The following SLC9A9 variants were observed in gnomAD, a reference collection of about 807,000 sequenced individuals.
SLC9A9 encodes the protein solute carrier family 9 member A9, also known as sodium/hydrogen exchanger 9.
A neutral mutation model predicts 77.8 loss-of-function variants in SLC9A9; 62 were observed. The ratio of observed to expected loss-of-function variants is 0.80; its 90% CI spans 0.65 to 0.98. The LOEUF (loss-of-function observed/expected upper bound fraction) is 0.98, where lower values mean the gene tolerates loss of function less well. SLC9A9 is among the 50% of genes least tolerant of loss of function. SLC9A9 has a pLI of 0.00. For synonymous variants in SLC9A9, 320 were observed against 283.5 expected, an observed-to-expected ratio of 1.13 and a Z score of -1.29; for missense variants, 775 against 774.9, an observed-to-expected ratio of 1.00 and a Z score of 0.00.
intron 6 of SLC9A9, among the ~76,000 whole-genome samples, chr3:143,585,077 C>G (rs2037519269): frequency 6.6e-6 from 1 of 152,094 alleles, no homozygotes; most frequent in African/African-American, 2.4e-5. Context: ...TCTTAGAGAC[C>G]TCTGTTGGCA....
At chr3:143,806,966 T>A (rs1262730997) in intron 2 of SLC9A9, among the ~76,000 whole-genome samples, 3 of 152,258 alleles carry the variant, frequency 2.0e-5, no homozygotes, top group Non-Finnish European at 4.4e-5. Context: ...CTTGGCTTCA[T>A]GTTTTACTCT....
chr3:143,299,300 C>A (rs1364248186), intron 14 of SLC9A9, among the ~76,000 whole-genome samples: 9 of 152,104 alleles, frequency 5.9e-5, no homozygotes, highest in Admixed American at 5.9e-4. Context: ...CTTAAGAAAC[C>A]TTTATTTGCA....
At chr3:143,726,736 G>GAA (rs5853126) in intron 4 of SLC9A9, among the ~76,000 whole-genome samples, 19 of 150,418 alleles carry the variant, frequency 1.3e-4, no homozygotes, top group South Asian at 4.2e-4. Context: ...TTCATTGCCT[G>GAA]AAAAAAAAAA....
intron 1 of SLC9A9, 133 bp downstream of exon 1, chr3:143,848,015 G>A: frequency 3.2e-6 from 3 of 947,862 alleles, no homozygotes; most frequent in Non-Finnish European, 3.3e-6. Flanking sequence ...TTACGCTGCA[G>A]CACCTTTCAT....
intron 14 of SLC9A9, among the ~76,000 whole-genome samples, chr3:143,294,489 A>G (rs2030161974): frequency 6.6e-6 from 1 of 152,228 alleles, no homozygotes; most frequent in African/African-American, 2.4e-5. Context: ...TTCAGACAAA[A>G]TGAGAAGTTC....
chr3:143,329,369 G>GA (rs1457893470), intron 14 of SLC9A9, among the ~76,000 whole-genome samples: 1 of 152,088 alleles, frequency 6.6e-6, no homozygotes, highest in Non-Finnish European at 1.5e-5. Flanking sequence ...TGGCCAAAAT[G>GA]AAAAAATAAA....
intron 4 of SLC9A9, among the ~76,000 whole-genome samples, chr3:143,777,620 G>A (rs1576719225): frequency 6.6e-6 from 1 of 151,534 alleles, no homozygotes; most frequent in Admixed American, 6.6e-5. Flanking sequence ...CTTTGAATTG[G>A]CCTCCCTCAG....
At chr3:143,324,313 G>A (rs534392714) in intron 14 of SLC9A9, among the ~76,000 whole-genome samples, 5 of 152,236 alleles carry the variant, frequency 3.3e-5, no homozygotes, top group Non-Finnish European at 7.4e-5. Context: ...GCACATCCTG[G>A]ATCCTGAAGC....
At chr3:143,828,467 A>G (rs970371371) in intron 2 of SLC9A9, among the ~76,000 whole-genome samples, 1 of 152,156 alleles carries the variant, frequency 6.6e-6, no homozygotes, top group African/African-American at 2.4e-5. Flanking sequence ...CAATGTAAGA[A>G]TGCTAATAAA....
intron 6 of SLC9A9, among the ~76,000 whole-genome samples, chr3:143,624,645 C>A (rs564959750): frequency 1.3e-5 from 2 of 152,084 alleles, no homozygotes; most frequent in Non-Finnish European, 2.9e-5. Context: ...TATGACAAAC[C>A]CACAGCCAAT....
chr3:143,822,446 G>A (rs1467532493), intron 2 of SLC9A9, among the ~76,000 whole-genome samples: 1 of 151,426 alleles, frequency 6.6e-6, no homozygotes, highest in Non-Finnish European at 1.5e-5. Context: ...GATCAGAAAT[G>A]GATGTGAAGG....
At chr3:143,739,851 A>G (rs898153472) in intron 4 of SLC9A9, among the ~76,000 whole-genome samples, 1 of 152,160 alleles carries the variant, frequency 6.6e-6, no homozygotes, top group Non-Finnish European at 1.5e-5. Flanking sequence ...CCCCAGACTT[A>G]CTGAATTTGA....
intron 14 of SLC9A9, among the ~76,000 whole-genome samples, chr3:143,269,310 A>G (rs759944914): frequency 3.3e-5 from 5 of 152,232 alleles, no homozygotes; most frequent in Non-Finnish European, 7.3e-5. Flanking sequence ...AGGATAACAT[A>G]AAAGATTGTA....
chr3:143,833,968 G>C (rs917366727), intron 1 of SLC9A9, among the ~76,000 whole-genome samples: 9 of 152,132 alleles, frequency 5.9e-5, no homozygotes, highest in Non-Finnish European at 1.3e-4. Context: ...ATGCTGAGAG[G>C]TTTTGATTTT....
chr3:143,618,879 A>T (rs965833417), intron 6 of SLC9A9, among the ~76,000 whole-genome samples: 2 of 152,238 alleles, frequency 1.3e-5, no homozygotes, highest in Non-Finnish European at 2.9e-5. Flanking sequence ...TGAAAGACTC[A>T]GAGGGTTTAG....
At chr3:143,752,506 G>GGGT (rs1442953803) in intron 4 of SLC9A9, among the ~76,000 whole-genome samples, 1 of 152,126 alleles carries the variant, frequency 6.6e-6, no homozygotes. Context: ...AGGGAGGTAA[G>GGGT]GGTGAACATT....
At chr3:143,480,433 A>G (rs1472763247) in intron 11 of SLC9A9, among the ~76,000 whole-genome samples, 1 of 152,214 alleles carries the variant, frequency 6.6e-6, no homozygotes, top group Non-Finnish European at 1.5e-5. Context: ...ATATGGGTCT[A>G]CTATACTTGT....
At chr3:143,364,743 C>T (rs2032853715) in intron 13 of SLC9A9, among the ~76,000 whole-genome samples, 1 of 152,106 alleles carries the variant, frequency 6.6e-6, no homozygotes, top group Non-Finnish European at 1.5e-5. Flanking sequence ...TTTTAGTCAG[C>T]CATTTATCCT....
At chr3:143,277,352 C>T (rs1431350292) in intron 14 of SLC9A9, among the ~76,000 whole-genome samples, 1 of 152,186 alleles carries the variant, frequency 6.6e-6, no homozygotes, top group African/African-American at 2.4e-5. Flanking sequence ...AATACCATTC[C>T]TGGGGCCTTG....
Sources: gnomAD v4.1 joint callset for allele counts (sites outside exome capture counted in the v4.1 genomes callset) on GRCh38, gnomAD v4.1.1 for gene constraint, MANE v1.5 for transcripts, NCBI Gene and HGNC (gene_info 2026-07-23, HGNC 2026-07-21) for gene names.